The following ERBB4 variants were observed in gnomAD, a reference collection of about 807,000 sequenced individuals.
ERBB4 encodes the protein receptor tyrosine-protein kinase erbB-4.
A neutral mutation model predicts 158.0 loss-of-function variants in ERBB4; 42 were observed. The ratio of observed to expected loss-of-function variants is 0.27; its 90% CI spans 0.21 to 0.34. The LOEUF (loss-of-function observed/expected upper bound fraction) is 0.34. Among genes scored for constraint, ERBB4 ranks in the 10% least tolerant of loss-of-function variants. The pLI is 1.00. For synonymous variants in ERBB4, 583 were observed against 558.7 expected, an observed-to-expected ratio of 1.04 and a Z score of -0.61; for missense variants, 1,333 against 1,624.1, an observed-to-expected ratio of 0.82 and a Z score of 3.08.
In ERBB4 at chr2:212,513,513, A is replaced by G. The variant is rs114042103; in HGVS notation, c.82+24936T>C. On this transcript the variant is annotated intron_variant, in intron 1 of 27. Transcript: ENST00000342788. The stretch of plus-strand genomic sequence containing the variant: ...TAAATATGAGAGTAAAACACAAAGA[A>G]GTTAATTAAGTTTTCAAGGCCTGGC... Among the ~76,000 whole-genome samples the G allele has an allele frequency of 4.5e-3, 685 of 152,294 alleles. 9 individuals are homozygous for G. Among genetic ancestry groups the G allele is most frequent in the Admixed American group, 0.024 (364 of 15,298 alleles).
chr2:211,573,659 G>A (rs895791094), intron 19 of ERBB4, among the ~76,000 whole-genome samples: 1 of 151,610 alleles, frequency 6.6e-6, no homozygotes, highest in African/African-American at 2.4e-5. Context: ...GACAGAGCGA[G>A]ACTCCGTCTC....
intron 20 of ERBB4, among the ~76,000 whole-genome samples, chr2:211,546,607 A>T (rs1184790875): frequency 2.0e-5 from 3 of 152,094 alleles, no homozygotes; most frequent in Admixed American, 6.6e-5. Flanking sequence ...GAGGGTGTAC[A>T]AGTAGGAATT....
chr2:211,457,958 T>C (rs977116691), intron 20 of ERBB4, among the ~76,000 whole-genome samples: 1 of 152,182 alleles, frequency 6.6e-6, no homozygotes, highest in Non-Finnish European at 1.5e-5. Context: ...CAGATCCTTT[T>C]GTCTCACCTG....
At chr2:211,393,303 TGTAAG>T (rs1259801327) in intron 25 of ERBB4, among the ~76,000 whole-genome samples, 4 of 152,176 alleles carry the variant, frequency 2.6e-5, no homozygotes, top group African/African-American at 4.8e-5. Context: ...CTTATAAACT[TGTAAG>T]GTAAATAGCA....
At chr2:212,089,514 G>A (rs910390665) in intron 2 of ERBB4, among the ~76,000 whole-genome samples, 37 of 152,270 alleles carry the variant, frequency 2.4e-4, no homozygotes, top group African/African-American at 8.4e-4. Flanking sequence ...CTCATGCATG[G>A]TTTAGCACCA....
intron 20 of ERBB4, among the ~76,000 whole-genome samples, chr2:211,469,638 C>G (rs2064782994): frequency 6.6e-6 from 1 of 152,124 alleles, no homozygotes; most frequent in African/African-American, 2.4e-5. Context: ...TTAAATTATA[C>G]AAGGAATAGA....
rs139277158 is a variant in ERBB4, at chr2:211,908,278, G to C, written c.421+39152C>G. 2.4e-3 allele frequency among the ~76,000 whole-genome samples: 367 copies of C among 151,894 alleles called. 10 individuals are homozygous for C. The highest frequency in any genetic ancestry group is 4.0e-3 in the Non-Finnish European group (271 of 67,954). On this transcript the variant is annotated intron_variant, in intron 3 of 27. Coordinates refer to ENST00000342788, the MANE Select transcript of ERBB4 (RefSeq NM_005235.3). Reference sequence around the variant, plus strand: ...TCTTAGAATTTATGTTCTGCAATTAGTTGATTTTCCTGACATTATCTTTCT... The same window carrying C: ...TCTTAGAATTTATGTTCTGCAATTACTTGATTTTCCTGACATTATCTTTCT...
intron 1 of ERBB4, among the ~76,000 whole-genome samples, chr2:212,341,289 GAAGTT>G (rs1334279820): frequency 6.6e-6 from 1 of 151,852 alleles, no homozygotes; most frequent in African/African-American, 2.4e-5. Context: ...TCTTAGAAGT[GAAGTT>G]GACTTTAAAC....
chr2:212,264,914 G>T (rs2085074958), intron 1 of ERBB4, among the ~76,000 whole-genome samples: 1 of 152,056 alleles, frequency 6.6e-6, no homozygotes, highest in Non-Finnish European at 1.5e-5. Flanking sequence ...GCTACTGGTG[G>T]CAGTGTTTCC....
At position 211,409,458 on chromosome 2, in the gene ERBB4, G is replaced by A. The variant is rs567391398; in HGVS notation, c.3135+10983C>T. On this transcript the variant is annotated intron_variant, in intron 25 of 27. Coordinates refer to ENST00000342788, the MANE Select transcript of ERBB4 (RefSeq NM_005235.3). ...TTTGAAACATTTGTTTAACTTGTAA[G>A]GATCATTTTATCTTCAAGTAGGTAA... Among the ~76,000 whole-genome samples the A allele has an allele frequency of 2.0e-5, 3 of 152,262 alleles. No homozygotes were observed. The East Asian group carries it at 5.8e-4, about 29-fold the overall frequency.
At chr2:212,458,334 T>C (rs1453479435) in intron 1 of ERBB4, among the ~76,000 whole-genome samples, 3 of 152,016 alleles carry the variant, frequency 2.0e-5, no homozygotes, top group Non-Finnish European at 4.4e-5. Context: ...TTAGTTAGGC[T>C]CTGAAAGATA....
intron 2 of ERBB4, among the ~76,000 whole-genome samples, chr2:212,063,088 A>G (rs1216640256): frequency 6.6e-6 from 1 of 152,150 alleles, no homozygotes; most frequent in Non-Finnish European, 1.5e-5. Context: ...TAAATTAATA[A>G]TATTCTCTTG....
At chr2:212,046,226 G>A (rs2077258602) in intron 2 of ERBB4, among the ~76,000 whole-genome samples, 1 of 152,110 alleles carries the variant, frequency 6.6e-6, no homozygotes, top group African/African-American at 2.4e-5. Context: ...AAAGCAAAAG[G>A]AAATAGAATC....
rs567618835 is a variant in ERBB4, at chr2:211,426,521, T to C, written c.2719+1887A>G. 6.6e-5 allele frequency among the ~76,000 whole-genome samples: 10 copies of C among 152,228 alleles called. 2 individuals carry two copies. The highest frequency in any genetic ancestry group is 2.4e-4 in the African/African-American group (10 of 41,562). On this transcript the variant is annotated intron_variant, in intron 22 of 27. Coordinates refer to ENST00000342788, the MANE Select transcript of ERBB4 (RefSeq NM_005235.3). ...TCAAAACAGAGTACTACCTATCTAT[T>C]TATTTATTTTTGCTGAACAGTTCCT...
chr2:212,459,159 T>C (rs1324164379), intron 1 of ERBB4, among the ~76,000 whole-genome samples: 2 of 152,178 alleles, frequency 1.3e-5, no homozygotes, highest in Admixed American at 6.5e-5. Flanking sequence ...ACTTTAGCCT[T>C]CATATATGAG....
intron 1 of ERBB4, among the ~76,000 whole-genome samples, chr2:212,254,026 A>G (rs2084634883): frequency 6.6e-6 from 1 of 152,154 alleles, no homozygotes; most frequent in African/African-American, 2.4e-5. Flanking sequence ...ATTCAGTATT[A>G]TAATCTCAGG....
intron 1 of ERBB4, among the ~76,000 whole-genome samples, chr2:212,484,677 G>T (rs1689883851): frequency 6.6e-6 from 1 of 152,260 alleles, no homozygotes; most frequent in Middle Eastern, 3.4e-3. Context: ...AACTGCCTTG[G>T]CATTGCTTCA....
rs188422508 is a variant in ERBB4 at position 212,320,131 on chromosome 2, G to T, written c.83-195228C>A. ...GGGAAAATTACGGATTAGGGTTCCA[G>T]GTTTGCGGGATGGAAAAAGTCTGAT... On this transcript the variant is annotated intron_variant, in intron 1 of 27. Coordinates refer to ENST00000342788, the MANE Select transcript of ERBB4 (RefSeq NM_005235.3). Among the ~76,000 whole-genome samples the T allele has an allele frequency of 5.4e-3, 804 of 150,028 alleles. 12 individuals are homozygous for T. The highest frequency in any genetic ancestry group is 0.017 in the African/African-American group (713 of 41,262).
chr2:211,962,794 A>G (rs1164365588), intron 2 of ERBB4, among the ~76,000 whole-genome samples: 1 of 152,130 alleles, frequency 6.6e-6, no homozygotes, highest in African/African-American at 2.4e-5. Context: ...AGAACAAGCA[A>G]CAAGAAATGA....
Sources: gnomAD v4.1 joint callset for allele counts (sites outside exome capture counted in the v4.1 genomes callset) on GRCh38, gnomAD v4.1.1 for gene constraint, MANE v1.5 for transcripts, NCBI Gene and HGNC (gene_info 2026-07-23, HGNC 2026-07-21) for gene names.